Variants in ZNF239 observed in about 807,000 individuals in gnomAD.
ZNF239 encodes the protein zinc finger protein (C2H2) homologous to mouse MOK-2.
A neutral mutation model predicts 27.5 loss-of-function variants in ZNF239; 16 were observed. The ratio of observed to expected loss-of-function variants is 0.58; its 90% CI spans 0.39 to 0.88. ZNF239 has a LOEUF of 0.88. Among genes scored for constraint, ZNF239 ranks in the 40% least tolerant of loss-of-function variants. The probability of loss-of-function intolerance (pLI) is 0.00; values close to 1 mark genes in which losing one functional copy is unlikely to be tolerated. For missense variants in ZNF239, 527 were observed against 551.9 expected (o/e 0.95, Z 0.45); for synonymous variants, 199 against 192.6 (o/e 1.03, Z -0.27).
At chr10:43,558,338 CAG>C (rs1235311142) in intron 3 of ZNF239, among the ~76,000 whole-genome samples, 167 bp from the exon 4 acceptor site, 1 of 152,208 alleles carries the variant, frequency 6.6e-6, no homozygotes, top group African/African-American at 2.4e-5. Flanking sequence ...GGGTACAAGA[CAG>C]AAATTTTCTC....
At chr10:43,574,302 T>G (rs1455514018) in intron 1 of ZNF239, among the ~76,000 whole-genome samples, 1 of 152,180 alleles carries the variant, frequency 6.6e-6, no homozygotes, top group Non-Finnish European at 1.5e-5. Flanking sequence ...GCCGCTCAGC[T>G]GCAGGGCCCC....
At chr10:43,567,870 G>C in intron 3 of ZNF239, 29 bp downstream of exon 3, 1 of 977,988 alleles carries the variant, frequency 1.0e-6, no homozygotes, top group Non-Finnish European at 1.2e-6. Context: ...CCAATGGGCA[G>C]GTGTCCAAGT....
rs1191621017 is a variant in ZNF239 at position 43,558,059 on chromosome 10, TC to T, written c.20del (p.Gly7GlufsTer7). The T allele has an allele frequency of 6.2e-7, 1 of 1,613,776 alleles. No individual in the cohort carries two copies. The highest frequency in any genetic ancestry group is 8.5e-7 in the Non-Finnish European group (1 of 1,179,820). On this transcript the variant is annotated frameshift_variant, in exon 4 of 4. Transcript: ENST00000374446. LOFTEE classifies it low-confidence loss of function (END_TRUNC). ...GATGATTCACAATACAATCCTGACT[TC>T]CAGTAATTGTACTGGCCATGCCTTC... is the stretch of plus-strand genomic sequence containing the variant. The part of the protein sequence containing the change: MASTIT[G>X]SQDCIVNHRG...
At chr10:43,558,227 G>C (rs1047518869) in intron 3 of ZNF239, 56 bp from the exon 4 acceptor site, 1 of 1,423,846 alleles carries the variant, frequency 7.0e-7, no homozygotes, top group Non-Finnish European at 9.2e-7. Context: ...CAAGATTTCA[G>C]AGTGAGAGTG....
intron 3 of ZNF239, among the ~76,000 whole-genome samples, chr10:43,559,216 C>T (rs1396549332): frequency 1.3e-5 from 2 of 152,036 alleles, no homozygotes; most frequent in African/African-American, 4.8e-5. Context: ...GGGGCTAAAC[C>T]CTGAAGGGAT....
intron 2 of ZNF239, among the ~76,000 whole-genome samples, chr10:43,568,678 C>T (rs1177369255): frequency 1.3e-5 from 2 of 152,240 alleles, no homozygotes; most frequent in Non-Finnish European, 2.9e-5. Flanking sequence ...ATTTCCAGCC[C>T]TAACCTCTTA....
At position 43,574,609 on chromosome 10, in the gene ZNF239, C is replaced by A. The variant is rs1260048417; in HGVS notation, c.-326G>T. 6.6e-6 allele frequency: 1 copy of A among 152,264 alleles called. No individual in the cohort carries two copies. Among genetic ancestry groups the A allele is most frequent in the South Asian group, 2.1e-4 (1 of 4,834 alleles). The allele number at this position is 152,264 out of a possible 1,614,324, so 9.4% of individuals were successfully genotyped here. ...CTGACCGCTCGCGCGCCTAGGGCCC[C>A]GAAATACAAGTCCCAGCAAGCCGCG... On this transcript the variant is annotated 5_prime_UTR_variant, in exon 1 of 4. Coordinates refer to ENST00000374446, the MANE Select transcript of ZNF239 (RefSeq NM_001099282.2).
rs1287191285 is a variant in ZNF239, at chr10:43,557,433, A to G, written c.647T>C (p.Phe216Ser). The G allele has an allele frequency of 1.5e-5, 24 of 1,614,058 alleles. No homozygotes were observed. The highest frequency in any genetic ancestry group is 2.0e-5 in the Non-Finnish European group (24 of 1,179,960). Residue 216 changes from phenylalanine (F) to serine (S), a missense_variant, in exon 4 of 4, where the codon TTC becomes TCC. Phe to Ser is a radical substitution (Grantham distance 155, BLOSUM62 -2). Transcript: ENST00000374446. Reference sequence around the variant, plus strand: ...AAGTAGTAGCTCTGAGCTTTGACTGAAGTTCTTACCACACTGACTACATTC... The same window carrying G: ...AAGTAGTAGCTCTGAGCTTTGACTGGAGTTCTTACCACACTGACTACATTC... ...QYECSQCGKN[F>S]SQSSELLLHQ...
intron 2 of ZNF239, chr10:43,570,352 A>C: frequency 2.0e-6 from 2 of 985,382 alleles, no homozygotes; most frequent in Non-Finnish European, 2.4e-6. Flanking sequence ...TGCTGCCTTC[A>C]AGCTCCATCA....
chr10:43,557,565 G>T lies in ZNF239; in HGVS notation c.515C>A (p.Ala172Asp), dbSNP rs2230660. 1 of 1,613,622 alleles carries T rather than the reference G, an allele frequency of 6.2e-7. No homozygotes were observed. The highest frequency in any genetic ancestry group is 1.3e-5 in the African/African-American group (1 of 74,850). ...SQVVSCSQQR[A>D]HTEEKPCDHN... ...GTCACAGGGTTTCTCCTCTGTATGAGCTCTCTGCTGACTACAACTGACCAC... is the reference window on the plus strand; with the variant it reads ...GTCACAGGGTTTCTCCTCTGTATGATCTCTCTGCTGACTACAACTGACCAC... Residue 172 changes from alanine to aspartate, a missense_variant, in exon 4 of 4, where the codon GCT (alanine) becomes GAT (aspartate). By Grantham distance (126) the Ala-to-Asp change is moderately radical (BLOSUM62 -2). Transcript: ENST00000374446.
At chr10:43,565,762 C>T (rs1334881595) in intron 3 of ZNF239, among the ~76,000 whole-genome samples, 1 of 127,076 alleles carries the variant, frequency 7.9e-6, no homozygotes, top group African/African-American at 3.0e-5. Flanking sequence ...TGGCAGTGAG[C>T]CCAGATCACG....
rs1445087367 is a variant in ZNF239 at position 43,557,875 on chromosome 10, A to C, written c.205T>G (p.Ser69Ala). 3 of 1,614,214 alleles carry C rather than the reference A, an allele frequency of 1.9e-6. No individual in the cohort carries two copies. The highest frequency in any genetic ancestry group is 1.6e-4 in the Middle Eastern group (1 of 6,062). Residue 69 changes from serine to alanine, a missense_variant, in exon 4 of 4, where the codon TCA becomes GCA. Transcript: ENST00000374446. ...ESETYLPLKVSSQIDTQDSSV... is the reference protein window; with the variant it reads ...ESETYLPLKVASQIDTQDSSV... ...GAGTCTTGTGTGTCTATTTGGCTTG[A>C]GACTTTCAAAGGCAAATATGTTTCA...
rs1450020578 is a variant in ZNF239, at chr10:43,556,944, T to C, written c.1136A>G (p.Glu379Gly). Residue 379 changes from glutamate (E) to glycine (G), a missense_variant, in exon 4 of 4, where the codon GAG becomes GGG. Physicochemically the swap from Glu to Gly is moderately conservative, Grantham distance 98. Transcript: ENST00000374446. ...HTGEKPYQCY[E>G]CGKGFSQSSD... ...GCTCTGGCTGAAACCCTTCCCACAC[T>C]CATAGCATTGGTAAGGCTTCTCTCC... 3 of 1,613,658 alleles carry C rather than the reference T, an allele frequency of 1.9e-6. No individual in the cohort carries two copies. In the Admixed American group the frequency reaches 5.0e-5, roughly 27 times the overall value.
chr10:43,558,074 G>A lies in ZNF239; in HGVS notation c.6C>T (p.Ala2=). M[A]STITGSQDCI... ...AATCCTGACTTCCAGTAATTGTACT[G>A]GCCATGCCTTCCAAAACTAGCCAGG... is the stretch of plus-strand genomic sequence containing the variant. The change falls in exon 4 of 4, where the codon GCC becomes GCT. Residue 2 remains alanine (A), a synonymous_variant. Transcript: ENST00000374446. The A allele has an allele frequency of 1.2e-6, 2 of 1,610,418 alleles. No homozygotes were observed. The highest frequency in any genetic ancestry group is 1.7e-6 in the Non-Finnish European group (2 of 1,177,492).
intron 3 of ZNF239, among the ~76,000 whole-genome samples, chr10:43,566,739 A>C (rs1837674908): frequency 6.6e-6 from 1 of 152,238 alleles, no homozygotes; most frequent in South Asian, 2.1e-4. Context: ...GTGATCCATG[A>C]TAATTTGCCT....
At chr10:43,570,486 C>A in intron 2 of ZNF239, 1 of 985,090 alleles carries the variant, frequency 1.0e-6, no homozygotes, top group Non-Finnish European at 1.2e-6. Flanking sequence ...TAAGGCTAAT[C>A]TCTTCCTGTG....
In ZNF239 at chr10:43,557,249, A is replaced by G; in HGVS notation, c.831T>C (p.Ser277=). The G allele has an allele frequency of 6.2e-7, 1 of 1,611,446 alleles. No individual in the cohort carries two copies. ...TATGGACGGCATGATGGATGAGCAGACTTGAGCTCCTGGTGAAGCCCTTCC... is the reference window on the plus strand; with the variant it reads ...TATGGACGGCATGATGGATGAGCAGGCTTGAGCTCCTGGTGAAGCCCTTCC... ...KCGKGFTRSS[S]LLIHHAVHTG... is the part of the protein sequence containing the mutation. The change falls in exon 4 of 4, where the codon AGT becomes AGC. Residue 277 remains serine (S), a synonymous_variant. Coordinates refer to ENST00000374446, the MANE Select transcript of ZNF239 (RefSeq NM_001099282.2).
intron 3 of ZNF239, among the ~76,000 whole-genome samples, chr10:43,566,044 T>C (rs1167503689): frequency 1.3e-5 from 2 of 152,072 alleles, no homozygotes. Flanking sequence ...AAAAGTTCAG[T>C]AGTGACTTCC....
chr10:43,572,568 C>T (rs1327589824), intron 2 of ZNF239, among the ~76,000 whole-genome samples: 2 of 152,192 alleles, frequency 1.3e-5, no homozygotes, highest in Non-Finnish European at 2.9e-5. Flanking sequence ...GAAGAAAACA[C>T]GGGGTTTATT....
Sources: allele counts gnomAD v4.1 joint callset (sites outside exome capture counted in the v4.1 genomes callset), GRCh38; gene constraint gnomAD v4.1.1; transcripts MANE v1.5; gene names NCBI Gene and HGNC (gene_info 2026-07-23, HGNC 2026-07-21).